OSBPL6: variants seen among roughly 807,000 people sequenced by gnomAD.
The protein encoded by OSBPL6 is oxysterol binding protein like 6, also known as oxysterol-binding protein-related protein 6.
In OSBPL6, 49 loss-of-function variants were observed where a neutral mutation model predicts 125.8. That is an observed-to-expected ratio of 0.39 (90% CI 0.31 to 0.49). The LOEUF (loss-of-function observed/expected upper bound fraction) is 0.49. Among genes scored for constraint, OSBPL6 ranks in the 20% least tolerant of loss-of-function variants. The probability of loss-of-function intolerance (pLI) is 0.88; values close to 1 mark genes in which losing one functional copy is unlikely to be tolerated. For synonymous variants in OSBPL6, 394 were observed against 391.8 expected, an observed-to-expected ratio of 1.01 and a Z score of -0.07; for missense variants, 986 against 1,135.4, an observed-to-expected ratio of 0.87 and a Z score of 1.89.
intron 11 of OSBPL6, among the ~76,000 whole-genome samples, chr2:178,346,710 T>C (rs1690750948): frequency 6.6e-6 from 1 of 152,124 alleles, no homozygotes; most frequent in Non-Finnish European, 1.5e-5. Flanking sequence ...GATTTTTGAA[T>C]CCTATAATAC....
chr2:178,278,838 T>C (rs2092521943), intron 1 of OSBPL6, among the ~76,000 whole-genome samples: 1 of 152,220 alleles, frequency 6.6e-6, no homozygotes, highest in South Asian at 2.1e-4. Context: ...TTTTCACTAA[T>C]GAAGTTAGTG....
chr2:178,320,389 G>A (rs897722352), intron 3 of OSBPL6: 27 of 1,613,058 alleles, frequency 1.7e-5, no homozygotes, highest in Non-Finnish European at 2.2e-5. Flanking sequence ...CTGATCAGGG[G>A]AAACAGAGGG....
intron 1 of OSBPL6, among the ~76,000 whole-genome samples, chr2:178,248,826 GA>G (rs957529998): frequency 6.0e-5 from 9 of 150,102 alleles, no homozygotes; most frequent in East Asian, 3.9e-4. Flanking sequence ...AAAGTACAAG[GA>G]AAAAAAAACA....
At chr2:178,380,712 T>G (rs1270804182) in intron 15 of OSBPL6, among the ~76,000 whole-genome samples, 2 of 152,134 alleles carry the variant, frequency 1.3e-5, no homozygotes, top group Non-Finnish European at 2.9e-5. Context: ...GAAAATATAT[T>G]TACAAGGATG....
At chr2:178,248,579 G>C (rs1054620162) in intron 1 of OSBPL6, among the ~76,000 whole-genome samples, 5 of 152,156 alleles carry the variant, frequency 3.3e-5, no homozygotes, top group African/African-American at 1.2e-4. Flanking sequence ...ATTAAGGAAG[G>C]ACTAGGGAAT....
chr2:178,275,369 G>C (rs140707974), intron 1 of OSBPL6, among the ~76,000 whole-genome samples: 7 of 151,994 alleles, frequency 4.6e-5, no homozygotes, highest in African/African-American at 1.7e-4. Context: ...AAAATTAGCC[G>C]GGCATGGTGA....
At chr2:178,280,428 G>T (rs1574729719) in intron 1 of OSBPL6, among the ~76,000 whole-genome samples, 1 of 152,274 alleles carries the variant, frequency 6.6e-6, no homozygotes. Context: ...TGTGTTAATA[G>T]TGTGGTGGTA....
At chr2:178,391,960 C>A (rs1238019467) in intron 22 of OSBPL6, among the ~76,000 whole-genome samples, 1 of 152,152 alleles carries the variant, frequency 6.6e-6, no homozygotes, top group Admixed American at 6.5e-5. Context: ...CGTCAATGAG[C>A]AAGACATACA....
intron 1 of OSBPL6, among the ~76,000 whole-genome samples, chr2:178,209,629 A>G (rs980398730): frequency 1.3e-5 from 2 of 151,348 alleles, no homozygotes; most frequent in African/African-American, 4.8e-5. Context: ...ATATCTGGTG[A>G]TTGTGGCTTG....
rs558272239 is a variant in OSBPL6, at chr2:178,205,894, A to G, written c.-351+11220A>G. ...AGAATGATCATTTGTCACACTTTAG[A>G]AGCATTTGGCTCTTGGCTATGAAAA... is the stretch of plus-strand genomic sequence containing the variant. On this transcript the variant is annotated intron_variant, in intron 1 of 24. Coordinates refer to ENST00000190611, the MANE Select transcript of OSBPL6 (RefSeq NM_032523.4). Among the ~76,000 whole-genome samples, 14 of 152,356 alleles carry G rather than the reference A, an allele frequency of 9.2e-5. No individual in the cohort carries two copies. In the East Asian group the frequency reaches 2.5e-3, roughly 27 times the overall value.
Position 178,383,016 on chromosome 2 carries a change from T to C in OSBPL6, c.1622-8T>C. The C allele has an allele frequency of 1.2e-6, 2 of 1,613,932 alleles. No homozygotes were observed. Among genetic ancestry groups the C allele is most frequent in the South Asian group, 1.1e-5 (1 of 91,050 alleles). ...AAGTGTCCTTCACTGTGACTCTCCT[T>C]CTTCCAGTCCTGAATGGGGAGCTTA... On this transcript the variant is annotated splice_polypyrimidine_tract_variant and splice_region_variant and intron_variant, in intron 16 of 24. Transcript: ENST00000190611.
At chr2:178,393,691 CACCATTCAG>C (rs1182579111) in intron 23 of OSBPL6, among the ~76,000 whole-genome samples, 1 of 152,206 alleles carries the variant, frequency 6.6e-6, no homozygotes, top group Admixed American at 6.5e-5. Context: ...ATTTGTAAGT[CACCATTCAG>C]TCTGCTTTTT....
intron 15 of OSBPL6, among the ~76,000 whole-genome samples, chr2:178,376,279 T>A (rs1175776270): frequency 6.6e-6 from 1 of 152,120 alleles, no homozygotes; most frequent in African/African-American, 2.4e-5. Context: ...AACCCCAGCC[T>A]GCCCATACCT....
intron 2 of OSBPL6, among the ~76,000 whole-genome samples, chr2:178,295,976 TCTTAGCAATTC>T (rs1574786860): frequency 6.6e-6 from 1 of 152,266 alleles, no homozygotes; most frequent in East Asian, 1.9e-4. Flanking sequence ...AGAGGAAAAA[TCTTAGCAATTC>T]CTTTATTTTT....
At chr2:178,347,071 C>T (rs934665259) in intron 11 of OSBPL6, among the ~76,000 whole-genome samples, 4 of 151,724 alleles carry the variant, frequency 2.6e-5, no homozygotes, top group East Asian at 1.9e-4. Flanking sequence ...TTGTAACTTA[C>T]GTTTTTCTTC....
At chr2:178,275,534 A>G (rs1345830768) in intron 1 of OSBPL6, among the ~76,000 whole-genome samples, 1 of 151,960 alleles carries the variant, frequency 6.6e-6, no homozygotes, top group Non-Finnish European at 1.5e-5. Flanking sequence ...AATAATAATA[A>G]TGGGTTTGAT....
intron 1 of OSBPL6, among the ~76,000 whole-genome samples, chr2:178,249,365 C>T (rs928381120): frequency 6.6e-6 from 1 of 152,182 alleles, no homozygotes; most frequent in Non-Finnish European, 1.5e-5. Context: ...TGTTTAGTAG[C>T]TATAAATTTA....
intron 11 of OSBPL6, among the ~76,000 whole-genome samples, chr2:178,345,186 C>T (rs1176421106): frequency 6.6e-6 from 1 of 152,134 alleles, no homozygotes; most frequent in Non-Finnish European, 1.5e-5. Flanking sequence ...ATATAGATTA[C>T]TGAGTTCACA....
chr2:178,352,442 G>A (rs1691349057), intron 12 of OSBPL6, among the ~76,000 whole-genome samples: 1 of 152,246 alleles, frequency 6.6e-6, no homozygotes, highest in Non-Finnish European at 1.5e-5. Context: ...TCTCTCCTGT[G>A]CCTGGCTTGG....
Sources: gnomAD v4.1 joint callset for allele counts (sites outside exome capture counted in the v4.1 genomes callset) on GRCh38, gnomAD v4.1.1 for gene constraint, MANE v1.5 for transcripts, NCBI Gene and HGNC (gene_info 2026-07-23, HGNC 2026-07-21) for gene names.